GTPBP3: variants seen among roughly 807,000 people sequenced by gnomAD.
GTPBP3 encodes 5-taurinomethyluridine-[tRNA] synthase subunit GTPB3, mitochondrial.
Under a neutral mutation model 42.0 loss-of-function variants are expected in GTPBP3, and 35 were observed. The ratio of observed to expected loss-of-function variants is 0.83; its 90% CI spans 0.64 to 1.10. GTPBP3 has a LOEUF of 1.10. Among genes scored for constraint, GTPBP3 ranks in the 50% least tolerant of loss-of-function variants. The pLI, the probability that GTPBP3 is intolerant of heterozygous loss-of-function variation, is 0.00. For synonymous variants in GTPBP3, 332 were observed against 314.9 expected, an observed-to-expected ratio of 1.05 and a Z score of -0.58; for missense variants, 691 against 685.2, an observed-to-expected ratio of 1.01 and a Z score of -0.09.
chr19:17,341,268 C>T lies in GTPBP3; in HGVS notation c.1199C>T (p.Thr400Met), dbSNP rs1437710672. The T allele has an allele frequency of 9.3e-6, 15 of 1,605,926 alleles. No individual in the cohort carries two copies. Among genetic ancestry groups the T allele is most frequent in the Non-Finnish European group, 1.3e-5 (15 of 1,179,914 alleles). ...LPPHLLLSCL[T>M]GEGLDGLLEA... ...CCGCACCTGCTGCTGTCCTGTCTGACGGGAGAGGGGCTGGACGGCCTCCTG... is the reference window on the plus strand; with the variant it reads ...CCGCACCTGCTGCTGTCCTGTCTGATGGGAGAGGGGCTGGACGGCCTCCTG... The change falls in exon 8 of 9, where the codon ACG becomes ATG. Residue 400 changes from threonine (T) to methionine (M), a missense_variant. Thr to Met is a moderately conservative substitution (Grantham distance 81). Coordinates refer to ENST00000324894, the MANE Select transcript of GTPBP3 (RefSeq NM_032620.4).
Position 17,340,927 on chromosome 19 carries a change from C to T in GTPBP3, c.975-117C>T, listed in dbSNP as rs75893526. Reference sequence around the variant, plus strand: ...CCCCTGGTACTCTACTCCTCCCTCCCGACCTCACGCTTCGCAGCTCCCCCA... The same window carrying T: ...CCCCTGGTACTCTACTCCTCCCTCCTGACCTCACGCTTCGCAGCTCCCCCA... On this transcript the variant is annotated intron_variant, in intron 7 of 8. Coordinates refer to ENST00000324894, the MANE Select transcript of GTPBP3 (RefSeq NM_032620.4). 112,666 of 1,181,898 alleles carry T rather than the reference C, an allele frequency of 0.095. 5,953 individuals are homozygous for T. The highest frequency in any genetic ancestry group is 0.11 in the Non-Finnish European group (91,849 of 841,838). The allele number at this position is 1,181,898 out of a possible 1,614,324, so 73.2% of individuals were successfully genotyped here.
upstream of GTPBP3, among the ~76,000 whole-genome samples, chr19:17,335,578 T>C (rs1339032120): frequency 2.0e-5 from 3 of 152,082 alleles, no homozygotes; most frequent in Non-Finnish European, 4.4e-5. Flanking sequence ...TATATATACA[T>C]ACATACATAA....
chr19:17,341,863 GA>G lies in GTPBP3; in HGVS notation c.*161del. 1.7e-6 allele frequency: 1 copy of G among 604,356 alleles called. No individual in the cohort carries two copies. Among genetic ancestry groups the G allele is most frequent in the Non-Finnish European group, 2.7e-6 (1 of 366,096 alleles). The allele number at this position is 604,356 out of a possible 1,614,324, so 37.4% of individuals were successfully genotyped here. ...TGAGAGGTAGTGAGATCCCTGCAGGGACTCCCTGGAGATTCAGGCCCTGGAA... is the reference window on the plus strand; with the variant it reads ...TGAGAGGTAGTGAGATCCCTGCAGGGCTCCCTGGAGATTCAGGCCCTGGAA... On this transcript the variant is annotated 3_prime_UTR_variant, in exon 9 of 9. Coordinates refer to ENST00000324894, the MANE Select transcript of GTPBP3 (RefSeq NM_032620.4).
In GTPBP3 at chr19:17,339,578, G is replaced by T; in HGVS notation, c.953G>T (p.Gly318Val). The T allele has an allele frequency of 6.2e-7, 1 of 1,609,134 alleles. No individual in the cohort carries two copies. The highest frequency in any genetic ancestry group is 2.2e-5 in the East Asian group (1 of 44,792). Residue 318 changes from glycine to valine, a missense_variant, in exon 7 of 9, where the codon GGC (glycine) becomes GTC (valine). By Grantham distance (109) the Gly-to-Val change is moderately radical. Transcript: ENST00000324894. ...GGCGTGGGGCCCGTGGAGCAGGAGG[G>T]CGTGCGGCGCGCCCGGGAGAGGTGG... Reference protein sequence around the residue: ...REGVGPVEQEGVRRARERLEQ... With the variant: ...REGVGPVEQEVVRRARERLEQ...
At position 17,339,564 on chromosome 19, in the gene GTPBP3, C is replaced by T. The variant is rs901184217; in HGVS notation, c.939C>T (p.Pro313=). Residue 313 remains proline, a synonymous_variant, in exon 7 of 9, where the codon CCC becomes CCT. Transcript: ENST00000324894. ...DTAGLREGVG[P]VEQEGVRRAR... ...CTGGGTTGCGGGAGGGCGTGGGGCC[C>T]GTGGAGCAGGAGGGCGTGCGGCGCG... The T allele has an allele frequency of 2.5e-6, 4 of 1,612,144 alleles. No homozygotes were observed. The highest frequency in any genetic ancestry group is 3.4e-6 in the Non-Finnish European group (4 of 1,179,586).
chr19:17,340,890 C>T (rs956286499), intron 7 of GTPBP3, 154 bp from the exon 8 acceptor site: 3 of 696,884 alleles, frequency 4.3e-6, no homozygotes, highest in Admixed American at 6.2e-5. Flanking sequence ...GGGCCCCCAA[C>T]ATTCTGCCGG....
At position 17,341,271 on chromosome 19, in the gene GTPBP3, G is replaced by T; in HGVS notation, c.1202G>T (p.Gly401Val). 1 of 1,605,784 alleles carries T rather than the reference G, an allele frequency of 6.2e-7. No homozygotes were observed. Among genetic ancestry groups the T allele is most frequent in the Non-Finnish European group, 8.5e-7 (1 of 1,179,914 alleles). ...PPHLLLSCLT[G>V]EGLDGLLEAL... ...CACCTGCTGCTGTCCTGTCTGACGGGAGAGGGGCTGGACGGCCTCCTGGAG... is the reference window on the plus strand; with the variant it reads ...CACCTGCTGCTGTCCTGTCTGACGGTAGAGGGGCTGGACGGCCTCCTGGAG... The change falls in exon 8 of 9, where the codon GGA becomes GTA. Residue 401 changes from glycine (G) to valine (V), a missense_variant. Physicochemically the swap from Gly to Val is moderately radical, Grantham distance 109. Coordinates refer to ENST00000324894, the MANE Select transcript of GTPBP3 (RefSeq NM_032620.4).
In GTPBP3 at chr19:17,338,959, G is replaced by C. The variant is rs1327188935; in HGVS notation, c.597G>C (p.Leu199=). ...TGCTCTCCCTGCCCCGCCAGGCTCT[G>C]GCCCACGTGGAGGCCTATATCGATT... ...RGWAETLTKA[L]AHVEAYIDFG... is the part of the protein sequence containing the mutation. Residue 199 remains leucine (L), a synonymous_variant, in exon 5 of 9, where the codon CTG becomes CTC. Coordinates refer to ENST00000324894, the MANE Select transcript of GTPBP3 (RefSeq NM_032620.4). The C allele has an allele frequency of 6.3e-7, 1 of 1,599,606 alleles. No homozygotes were observed. Among genetic ancestry groups the C allele is most frequent in the Admixed American group, 1.7e-5 (1 of 59,446 alleles).
chr19:17,341,367 G>A, intron 8 of GTPBP3, 45 bp downstream of exon 8: 1 of 1,557,086 alleles, frequency 6.4e-7, no homozygotes, highest in Non-Finnish European at 8.7e-7. Flanking sequence ...CACAGTTTAA[G>A]TGTGGGTCCC....
intron 3 of GTPBP3, 26 bp from the exon 4 acceptor site, chr19:17,338,513 G>T: frequency 6.2e-7 from 1 of 1,612,986 alleles, no homozygotes; most frequent in South Asian, 1.1e-5. Context: ...GGGACCAGGG[G>T]GTGTCAGACT....
rs940351020 is a variant in GTPBP3, at chr19:17,338,437, T to C, written c.374T>C (p.Val125Ala). 6.2e-7 allele frequency: 1 copy of C among 1,613,970 alleles called. No homozygotes were observed. Among genetic ancestry groups the C allele is most frequent in the South Asian group, 1.1e-5 (1 of 91,090 alleles). ...GGAGGCCCGGCAGTGGTGAGCGGCG[T>C]CCTGCAGGCCTTGGGTGAGTTGCAG... ...VHGGPAVVSG[V>A]LQALGSVPGL... is the part of the protein sequence containing the mutation. Residue 125 changes from valine to alanine, a missense_variant, in exon 3 of 9, where the codon GTC (valine) becomes GCC (alanine). Physicochemically the swap from Val to Ala is moderately conservative, Grantham distance 64 (BLOSUM62 0). Transcript: ENST00000324894.
At position 17,338,965 on chromosome 19, in the gene GTPBP3, C is replaced by G; in HGVS notation, c.603C>G (p.His201Gln). 6.2e-7 allele frequency: 1 copy of G among 1,603,318 alleles called. No individual in the cohort carries two copies. The highest frequency in any genetic ancestry group is 8.5e-7 in the Non-Finnish European group (1 of 1,173,278). ...WAETLTKALA[H>Q]VEAYIDFGED... Reference sequence around the variant, plus strand: ...CCCTGCCCCGCCAGGCTCTGGCCCACGTGGAGGCCTATATCGATTTCGGCG... The same window carrying G: ...CCCTGCCCCGCCAGGCTCTGGCCCAGGTGGAGGCCTATATCGATTTCGGCG... The change falls in exon 5 of 9, where the codon CAC becomes CAG. Residue 201 changes from histidine (H) to glutamine (Q), a missense_variant. His to Gln is a conservative substitution (Grantham distance 24). Coordinates refer to ENST00000324894, the MANE Select transcript of GTPBP3 (RefSeq NM_032620.4).
chr19:17,340,686 T>G (rs1418052845), intron 7 of GTPBP3, among the ~76,000 whole-genome samples: 1 of 144,248 alleles, frequency 6.9e-6, no homozygotes, highest in Non-Finnish European at 1.5e-5. Flanking sequence ...CCCTGCACAG[T>G]GCTCTGCCCC....
At chr19:17,339,315 C>T in intron 6 of GTPBP3, 49 bp downstream of exon 6, 1 of 1,581,314 alleles carries the variant, frequency 6.3e-7, no homozygotes, top group Non-Finnish European at 8.6e-7. Flanking sequence ...GGGGCGGGGC[C>T]AAGAGCTGGG....
At position 17,341,651 on chromosome 19, in the gene GTPBP3, G is replaced by C. The variant is rs1264316652; in HGVS notation, c.1427G>C (p.Gly476Ala). 6.2e-6 allele frequency: 10 copies of C among 1,607,820 alleles called. No homozygotes were observed. Among genetic ancestry groups the C allele is most frequent in the Non-Finnish European group, 8.5e-6 (10 of 1,175,628 alleles). Reference protein sequence around the residue: ...GHLTRLTGGGGTEEILDIIFQ... With the variant: ...GHLTRLTGGGATEEILDIIFQ... Reference sequence around the variant, plus strand: ...CTGACCCGGCTCACAGGTGGAGGGGGTACCGAGGAGATCCTGGACATCATC... The same window carrying C: ...CTGACCCGGCTCACAGGTGGAGGGGCTACCGAGGAGATCCTGGACATCATC... The change falls in exon 9 of 9, where the codon GGT becomes GCT. Residue 476 changes from glycine (G) to alanine (A), a missense_variant. Transcript: ENST00000324894.
intron 4 of GTPBP3, 77 bp downstream of exon 4, chr19:17,338,818 C>T: frequency 1.3e-6 from 2 of 1,536,764 alleles, no homozygotes; most frequent in Non-Finnish European, 1.8e-6. Flanking sequence ...CCTCTCAATC[C>T]CGCATTCATT....
In GTPBP3 at chr19:17,341,232, C is replaced by T. The variant is rs1371652885; in HGVS notation, c.1163C>T (p.Pro388Leu). Residue 388 changes from proline (P) to leucine (L), a missense_variant, in exon 8 of 9, where the codon CCT becomes CTT. Transcript: ENST00000324894. Reference protein sequence around the residue: ...LLSPEGPGPGPDLPPHLLLSC... With the variant: ...LLSPEGPGPGLDLPPHLLLSC... ...TCCCCGGAGGGCCCAGGTCCCGGTC[C>T]TGACCTGCCCCCGCACCTGCTGCTG... The T allele has an allele frequency of 6.2e-7, 1 of 1,607,668 alleles. No individual in the cohort carries two copies. The highest frequency in any genetic ancestry group is 8.5e-7 in the Non-Finnish European group (1 of 1,179,976).
upstream of GTPBP3, among the ~76,000 whole-genome samples, chr19:17,336,153 T>C (rs1218839008): frequency 2.0e-5 from 3 of 148,152 alleles, no homozygotes; most frequent in Non-Finnish European, 1.5e-5. Flanking sequence ...GGAGAATCGC[T>C]TGAACCTGGG....
rs757262855 is a variant in GTPBP3 at position 17,339,548 on chromosome 19, GGGAGGGCGTGGGGCCCGTGGAGCA to G, written c.934_957del (p.Gly312_Val319del). 35 of 1,612,906 alleles carry G rather than the reference GGGAGGGCGTGGGGCCCGTGGAGCA, an allele frequency of 2.2e-5. No individual in the cohort carries two copies. Among genetic ancestry groups the G allele is most frequent in the East Asian group, 4.5e-5 (2 of 44,872 alleles). ...CTGCTGAGCGACACGGCTGGGTTGC[GGGAGGGCGTGGGGCCCGTGGAGCA>G]GGAGGGCGTGCGGCGCGCCCGGGAG... On this transcript the variant is annotated inframe_deletion, in exon 7 of 9. Coordinates refer to ENST00000324894, the MANE Select transcript of GTPBP3 (RefSeq NM_032620.4).
Sources: allele counts gnomAD v4.1 joint callset (sites outside exome capture counted in the v4.1 genomes callset), GRCh38; gene constraint gnomAD v4.1.1; transcripts MANE v1.5; gene names NCBI Gene and HGNC (gene_info 2026-07-23, HGNC 2026-07-21).